LRP1B: variants seen among roughly 807,000 people sequenced by gnomAD.
LRP1B encodes the protein LDL receptor related protein 1B, also known as low-density lipoprotein receptor-related protein 1B.
LRP1B carries 217 observed loss-of-function variants against 556.6 expected under a neutral mutation model. The ratio of observed to expected loss-of-function variants is 0.39; its 90% CI spans 0.35 to 0.44. The LOEUF is 0.44. Among genes scored for constraint, LRP1B ranks in the 20% least tolerant of loss-of-function variants. The pLI is 1.00. For missense variants in LRP1B, 5,053 were observed against 5,620.8 expected, an observed-to-expected ratio of 0.90 and a Z score of 3.23; for synonymous variants, 2,047 against 1,865.8, an observed-to-expected ratio of 1.10 and a Z score of -2.50.
chr2:140,938,490 A>T (rs1274313850), intron 20 of LRP1B, among the ~76,000 whole-genome samples: 1 of 152,082 alleles, frequency 6.6e-6, no homozygotes, highest in Admixed American at 6.6e-5. Context: ...TGTCATCTTT[A>T]ATTGAAATTG....
intron 1 of LRP1B, among the ~76,000 whole-genome samples, chr2:141,972,256 T>A (rs1701763472): frequency 6.6e-6 from 1 of 151,612 alleles, no homozygotes; most frequent in Admixed American, 6.6e-5. Flanking sequence ...TAAAGAATTT[T>A]TTAAAGTATA....
intron 83 of LRP1B, among the ~76,000 whole-genome samples, chr2:140,312,416 T>A (rs1684340886): frequency 6.6e-6 from 1 of 151,898 alleles, no homozygotes; most frequent in African/African-American, 2.4e-5. Context: ...AAAGACTAAA[T>A]AACAGACCTA....
chr2:141,266,942 C>A (rs138727163), intron 3 of LRP1B, among the ~76,000 whole-genome samples: 202 of 152,186 alleles, frequency 1.3e-3, no homozygotes, highest in African/African-American at 4.7e-3. Context: ...TTTACTTTAG[C>A]ATAATCTATA....
chr2:140,748,370 T>TTC (rs1218900911), intron 35 of LRP1B, among the ~76,000 whole-genome samples: 2,386 of 110,002 alleles, frequency 0.022, 117 homozygotes, highest in Non-Finnish European at 0.033. Context: ...TATATTTATA[T>TTC]ATGTATATAT....
intron 32 of LRP1B, among the ~76,000 whole-genome samples, chr2:140,800,776 T>C (rs531929320): frequency 1.3e-5 from 2 of 152,286 alleles, no homozygotes; most frequent in African/African-American, 2.4e-5. Context: ...CACAATCCAA[T>C]ACATTCCTTC....
intron 1 of LRP1B, among the ~76,000 whole-genome samples, chr2:142,055,218 G>A (rs1252001287): frequency 6.6e-6 from 1 of 152,032 alleles, no homozygotes; most frequent in African/African-American, 2.4e-5. Flanking sequence ...ATGAAAAAAA[G>A]GAATAGAGTG....
intron 2 of LRP1B, among the ~76,000 whole-genome samples, chr2:141,566,845 T>C (rs113675428): frequency 1.8e-3 from 269 of 152,160 alleles, no homozygotes; most frequent in Admixed American, 3.8e-3. Context: ...GACAAGAGAC[T>C]GAGACTCCCA....
chr2:141,974,333 C>T (rs72852556), intron 1 of LRP1B, among the ~76,000 whole-genome samples: 24 of 152,068 alleles, frequency 1.6e-4, no homozygotes, highest in African/African-American at 2.9e-4. Flanking sequence ...TAGGAAAGAA[C>T]GGTTAACTCC....
At chr2:141,328,709 A>G (rs1419213680) in intron 3 of LRP1B, among the ~76,000 whole-genome samples, 1 of 152,216 alleles carries the variant, frequency 6.6e-6, no homozygotes, top group African/African-American at 2.4e-5. Flanking sequence ...TAGAGCATAC[A>G]CAGTGCAAAT....
chr2:140,832,468 T>C (rs779544352), intron 31 of LRP1B, among the ~76,000 whole-genome samples: 11 of 152,222 alleles, frequency 7.2e-5, no homozygotes, highest in African/African-American at 1.7e-4. Context: ...AGCATGTCTA[T>C]TGCAACACTA....
chr2:141,589,421 C>T (rs1193705475), intron 2 of LRP1B, among the ~76,000 whole-genome samples: 4 of 152,158 alleles, frequency 2.6e-5, no homozygotes, highest in South Asian at 2.1e-4. Context: ...CTTTATAGCT[C>T]GGTTCTTGTG....
chr2:141,670,641 T>C (rs1690631595), intron 2 of LRP1B, among the ~76,000 whole-genome samples: 2 of 152,340 alleles, frequency 1.3e-5, no homozygotes, highest in Middle Eastern at 3.4e-3. Flanking sequence ...CAGACTTATC[T>C]GGTAAAATCA....
intron 59 of LRP1B, among the ~76,000 whole-genome samples, chr2:140,477,834 A>G (rs1688036819): frequency 6.6e-6 from 1 of 151,768 alleles, no homozygotes; most frequent in Non-Finnish European, 1.5e-5. Context: ...TCGAATGAAA[A>G]CCCTTTCTTA....
At chr2:141,228,850 T>A (rs1683352657) in intron 6 of LRP1B, among the ~76,000 whole-genome samples, 1 of 152,162 alleles carries the variant, frequency 6.6e-6, no homozygotes, top group South Asian at 2.1e-4. Context: ...CAACTCTGTC[T>A]GCTTTTTTTA....
intron 67 of LRP1B, among the ~76,000 whole-genome samples, chr2:140,384,025 C>T (rs1474100287): frequency 6.6e-6 from 1 of 152,152 alleles, no homozygotes; most frequent in Non-Finnish European, 1.5e-5. Context: ...TGATATTCAG[C>T]CGCTTAGAAA....
chr2:141,308,072 C>T (rs1184888395), intron 3 of LRP1B, among the ~76,000 whole-genome samples: 1 of 152,132 alleles, frequency 6.6e-6, no homozygotes, highest in Non-Finnish European at 1.5e-5. Flanking sequence ...TATGTGCCAA[C>T]ACTGGTGGAA....
At chr2:142,068,932 A>G (rs1296590104) in intron 1 of LRP1B, among the ~76,000 whole-genome samples, 1 of 151,678 alleles carries the variant, frequency 6.6e-6, no homozygotes, top group African/African-American at 2.4e-5. Context: ...CAATGCATGA[A>G]TAATAGAATG....
chr2:141,930,532 T>C (rs1238132616), intron 1 of LRP1B, among the ~76,000 whole-genome samples: 1 of 151,962 alleles, frequency 6.6e-6, no homozygotes, highest in East Asian at 1.9e-4. Context: ...AGTAGAATGG[T>C]CAGTAGTGAT....
chr2:141,522,156 C>T (rs941674971), intron 2 of LRP1B, among the ~76,000 whole-genome samples: 1 of 152,086 alleles, frequency 6.6e-6, no homozygotes, highest in Non-Finnish European at 1.5e-5. Flanking sequence ...CAGGCCCCAT[C>T]CCAGATCCAC....
Sources: allele counts gnomAD v4.1 joint callset (sites outside exome capture counted in the v4.1 genomes callset), GRCh38; gene constraint gnomAD v4.1.1; transcripts MANE v1.5; gene names NCBI Gene and HGNC (gene_info 2026-07-23, HGNC 2026-07-21).